Variants in CPED1 observed in about 807,000 individuals in gnomAD.
CPED1 encodes the protein cadherin like and PC-esterase domain containing 1, also known as cadherin-like and PC-esterase domain-containing protein 1.
A neutral mutation model predicts 128.2 loss-of-function variants in CPED1; 114 were observed. The ratio of observed to expected loss-of-function variants is 0.89; its 90% CI spans 0.76 to 1.04. The LOEUF (loss-of-function observed/expected upper bound fraction) is 1.04, where lower values mean the gene tolerates loss of function less well. CPED1 is among the 50% of genes least tolerant of loss of function. The probability of loss-of-function intolerance (pLI) is 0.00; values close to 1 mark genes in which losing one functional copy is unlikely to be tolerated. For synonymous variants in CPED1, 462 were observed against 426.7 expected, an observed-to-expected ratio of 1.08 and a Z score of -1.02; for missense variants, 1,211 against 1,207.1, an observed-to-expected ratio of 1.00 and a Z score of -0.05.
chr7:121,204,218 A>G (rs1440494773), intron 16 of CPED1, among the ~76,000 whole-genome samples: 1 of 152,080 alleles, frequency 6.6e-6, no homozygotes, highest in Non-Finnish European at 1.5e-5. Flanking sequence ...AAAAAATTAT[A>G]TCCTTTCCTT....
intron 5 of CPED1, among the ~76,000 whole-genome samples, chr7:121,076,239 C>CA (rs1439031894): frequency 6.6e-6 from 1 of 152,022 alleles, no homozygotes; most frequent in African/African-American, 2.4e-5. Context: ...TGCTATGGGG[C>CA]AAATAATAAG....
At chr7:121,254,623 C>T (rs11509199) in intron 18 of CPED1, among the ~76,000 whole-genome samples, 63,063 of 151,578 alleles carry the variant, frequency 0.42, 13,560 homozygotes, top group Middle Eastern at 0.52. Flanking sequence ...AAACAGAAGT[C>T]GGTTCTTCAA....
intron 16 of CPED1, chr7:121,194,963 T>G (rs1370575892): frequency 6.6e-6 from 1 of 152,148 alleles, no homozygotes; most frequent in African/African-American, 2.4e-5. Context: ...TATGGAACGC[T>G]TCGTGAATTT....
At chr7:121,075,933 A>G (rs1380529374) in intron 5 of CPED1, among the ~76,000 whole-genome samples, 3 of 152,206 alleles carry the variant, frequency 2.0e-5, no homozygotes, top group African/African-American at 7.2e-5. Context: ...TCTACATATT[A>G]GTGAACCCAT....
intron 16 of CPED1, among the ~76,000 whole-genome samples, chr7:121,189,286 G>GA (rs34523984): frequency 6.6e-6 from 1 of 151,962 alleles, no homozygotes; most frequent in African/African-American, 2.4e-5. Context: ...GGTAATCTAT[G>GA]AAAAAAAGAG....
intron 16 of CPED1, among the ~76,000 whole-genome samples, chr7:121,216,915 C>A (rs1439687301): frequency 6.6e-6 from 1 of 151,978 alleles, no homozygotes; most frequent in South Asian, 2.1e-4. Flanking sequence ...TCAACTGTTA[C>A]ACTTTTTTTT....
chr7:121,222,808 T>C (rs1416892418), intron 16 of CPED1, among the ~76,000 whole-genome samples: 4 of 152,254 alleles, frequency 2.6e-5, no homozygotes, highest in African/African-American at 9.6e-5. Flanking sequence ...ATTGATTTTG[T>C]ATCCTGAGAC....
chr7:121,046,414 A>G (rs775749133), intron 3 of CPED1, among the ~76,000 whole-genome samples: 3 of 152,126 alleles, frequency 2.0e-5, no homozygotes, highest in Admixed American at 6.5e-5. Context: ...TGACGAGTAA[A>G]TCTATGAAAA....
chr7:120,991,081 A>G (rs1046710819), intron 2 of CPED1, among the ~76,000 whole-genome samples: 1 of 152,256 alleles, frequency 6.6e-6, no homozygotes, highest in Non-Finnish European at 1.5e-5. Flanking sequence ...GCTCCAAATA[A>G]AAGTCAATTC....
chr7:121,020,661 G>T (rs1235319360), intron 3 of CPED1, among the ~76,000 whole-genome samples: 3 of 151,772 alleles, frequency 2.0e-5, no homozygotes, highest in African/African-American at 7.3e-5. Context: ...TTAATAAAAT[G>T]TACATATAAA....
At chr7:121,098,755 A>AATATATATAAATATATATATAT (rs1794761450) in intron 6 of CPED1, among the ~76,000 whole-genome samples, 1 of 104,934 alleles carries the variant, frequency 9.5e-6, no homozygotes, top group African/African-American at 4.1e-5. Context: ...AAAATATATA[A>AATATATATAAATATATATATAT]AAATATATAT....
intron 3 of CPED1, among the ~76,000 whole-genome samples, chr7:121,036,218 C>A (rs933430441): frequency 6.6e-6 from 1 of 151,792 alleles, no homozygotes; most frequent in Non-Finnish European, 1.5e-5. Flanking sequence ...TTTGGTGCAC[C>A]CATCACCCAA....
At chr7:121,075,964 T>C (rs60050503) in intron 5 of CPED1, among the ~76,000 whole-genome samples, 70,196 of 151,998 alleles carry the variant, frequency 0.46, 16,495 homozygotes, top group East Asian at 0.61. Context: ...CCCATGTTGT[T>C]CAAGAGTCAG....
chr7:120,993,565 T>C (rs1796344007), intron 2 of CPED1, among the ~76,000 whole-genome samples: 1 of 152,228 alleles, frequency 6.6e-6, no homozygotes. Context: ...CTTGTTTGCA[T>C]TTCTAATAGT....
chr7:121,058,645 G>T (rs1167015061), intron 4 of CPED1, among the ~76,000 whole-genome samples: 1 of 152,116 alleles, frequency 6.6e-6, no homozygotes, highest in Non-Finnish European at 1.5e-5. Context: ...TCAACTTTAT[G>T]TTTTCTTAAT....
intron 7 of CPED1, among the ~76,000 whole-genome samples, chr7:121,108,034 A>T (rs1261120478): frequency 1.3e-5 from 2 of 152,128 alleles, no homozygotes; most frequent in Non-Finnish European, 2.9e-5. Context: ...CAAATTTAGA[A>T]GAAACAGCAA....
chr7:121,184,122 C>A, intron 16 of CPED1, among the ~76,000 whole-genome samples: 1 of 147,304 alleles, frequency 6.8e-6, no homozygotes, highest in Admixed American at 6.9e-5. Flanking sequence ...GCCTGGGTGA[C>A]AGAGCGAGAC....
intron 22 of CPED1, among the ~76,000 whole-genome samples, chr7:121,293,315 ACTGC>A (rs1464718756): frequency 2.0e-5 from 3 of 152,130 alleles, no homozygotes; most frequent in African/African-American, 7.2e-5. Context: ...TGAGGGGAAA[ACTGC>A]CTACTCAAGC....
intron 16 of CPED1, among the ~76,000 whole-genome samples, chr7:121,214,316 A>G (rs1797710471): frequency 6.6e-6 from 1 of 151,922 alleles, no homozygotes; most frequent in South Asian, 2.1e-4. Context: ...TTTTTGAGAC[A>G]GAGTCTCACT....
Sources: gnomAD v4.1 joint callset for allele counts (sites outside exome capture counted in the v4.1 genomes callset) on GRCh38, gnomAD v4.1.1 for gene constraint, MANE v1.5 for transcripts, NCBI Gene and HGNC (gene_info 2026-07-23, HGNC 2026-07-21) for gene names.